The following NRIP1 variants were observed in gnomAD, a reference collection of about 807,000 sequenced individuals.
The protein encoded by NRIP1 is nuclear receptor interacting protein 1, also known as nuclear receptor-interacting protein 1.
Under a neutral mutation model 75.0 loss-of-function variants are expected in NRIP1, and 28 were observed. The ratio of observed to expected loss-of-function variants is 0.37; its 90% CI spans 0.28 to 0.51. The LOEUF is 0.51. NRIP1 is among the 20% of genes least tolerant of loss of function. The pLI is 0.92. For missense variants in NRIP1, 1,435 were observed against 1,343.7 expected (o/e 1.07, Z -1.06); for synonymous variants, 526 against 487.6 (o/e 1.08, Z -1.04).
intron 3 of NRIP1, among the ~76,000 whole-genome samples, chr21:14,995,247 G>A (rs957436254): frequency 6.6e-6 from 1 of 152,144 alleles, no homozygotes; most frequent in African/African-American, 2.4e-5. Context: ...TTGCTTACCA[G>A]TATTAACCTT....
intron 2 of NRIP1, among the ~76,000 whole-genome samples, chr21:15,026,831 C>A (rs1356710339): frequency 2.6e-5 from 4 of 151,856 alleles, no homozygotes; most frequent in South Asian, 2.1e-4. Context: ...TTTCAAAAAA[C>A]CAATATAAGT....
intron 1 of NRIP1, among the ~76,000 whole-genome samples, chr21:15,052,658 T>C (rs1033860476): frequency 6.6e-6 from 1 of 152,202 alleles, no homozygotes; most frequent in African/African-American, 2.4e-5. Context: ...GCAGCATATC[T>C]TTTCAAATAC....
chr21:15,048,412 G>A (rs1298742115), intron 1 of NRIP1, among the ~76,000 whole-genome samples: 2 of 152,174 alleles, frequency 1.3e-5, no homozygotes, highest in Admixed American at 1.3e-4. Context: ...AACAGGGTAT[G>A]TCACCTAAGT....
At chr21:15,024,495 A>T (rs761700541) in intron 2 of NRIP1, among the ~76,000 whole-genome samples, 4 of 151,688 alleles carry the variant, frequency 2.6e-5, no homozygotes, top group Non-Finnish European at 5.9e-5. Context: ...TGAGCTGAGA[A>T]CGCATCACTG....
chr21:15,025,327 T>C (rs112842908), intron 2 of NRIP1, among the ~76,000 whole-genome samples: 133 of 152,084 alleles, frequency 8.7e-4, no homozygotes, highest in African/African-American at 3.2e-3. Context: ...TTGAAGCCTA[T>C]AGGATTGGAA....
At position 14,990,686 on chromosome 21, in the gene NRIP1, C is replaced by T. The variant is rs570697409; in HGVS notation, c.-334-22160G>A. On this transcript the variant is annotated intron_variant, in intron 3 of 3. Coordinates refer to ENST00000318948, the MANE Select transcript of NRIP1 (RefSeq NM_003489.4). ...TGGAAAATGAATTCCTAAAGTGAAA[C>T]TCTAATGCAAAGACTGGGTGGATGG... Among the ~76,000 whole-genome samples, 4 of 152,282 alleles carry T rather than the reference C, an allele frequency of 2.6e-5. No homozygotes were observed. The South Asian group carries it at 8.3e-4, about 32-fold the overall frequency.
intron 3 of NRIP1, among the ~76,000 whole-genome samples, chr21:14,991,523 A>G (rs2087571888): frequency 6.6e-6 from 1 of 151,726 alleles, no homozygotes; most frequent in Non-Finnish European, 1.5e-5. Flanking sequence ...CCTCTGCTCT[A>G]TCTTGTAGGA....
chr21:15,012,965 G>A lies in NRIP1; in HGVS notation c.-335+1379C>T, dbSNP rs573654929. 5.3e-5 allele frequency among the ~76,000 whole-genome samples: 8 copies of A among 151,982 alleles called. No individual in the cohort carries two copies. In the South Asian group the frequency reaches 1.0e-3, roughly 20 times the overall value. On this transcript the variant is annotated intron_variant, in intron 3 of 3. Transcript: ENST00000318948. ...AACCAATTATATCTTGTGGCGGGGC[G>A]GTCACAGGAATATGCATGATTATAA...
chr21:15,011,504 A>T (rs562272367), intron 3 of NRIP1, among the ~76,000 whole-genome samples: 18 of 151,844 alleles, frequency 1.2e-4, no homozygotes, highest in South Asian at 4.2e-4. Flanking sequence ...GCCCTTTTTT[A>T]AAAAAAAATT....
At chr21:15,030,730 T>C (rs1421675235) in intron 2 of NRIP1, among the ~76,000 whole-genome samples, 1 of 152,080 alleles carries the variant, frequency 6.6e-6, no homozygotes, top group Non-Finnish European at 1.5e-5. Flanking sequence ...GGAGGATAGG[T>C]GGTAAGGAGG....
chr21:15,048,190 A>C (rs1386589958), intron 1 of NRIP1, among the ~76,000 whole-genome samples: 1 of 152,240 alleles, frequency 6.6e-6, no homozygotes, highest in Admixed American at 6.5e-5. Context: ...ATAATATGAA[A>C]AAGTTTTATA....
At chr21:15,031,906 A>G (rs1160049688) in intron 2 of NRIP1, among the ~76,000 whole-genome samples, 2 of 149,564 alleles carry the variant, frequency 1.3e-5, no homozygotes, top group Non-Finnish European at 3.0e-5. Flanking sequence ...GGTTCACCAC[A>G]TTCCCTTTCT....
In NRIP1 at chr21:14,967,869, T is replaced by G. The variant is rs913712783; in HGVS notation, c.324A>C (p.Leu108Phe). The G allele has an allele frequency of 6.2e-7, 1 of 1,613,988 alleles. No individual in the cohort carries two copies. Among genetic ancestry groups the G allele is most frequent in the African/African-American group, 1.3e-5 (1 of 74,938 alleles). ...CTAGCAAAGCTTCCTTCTTTACGTT[T>G]AAATTCATGATAGAATCAGACAGCC... is the stretch of plus-strand genomic sequence containing the variant. ...RKRLSDSIMN[L>F]NVKKEALLAG... is the part of the protein sequence containing the mutation. Residue 108 changes from leucine to phenylalanine, a missense_variant, in exon 4 of 4, where the codon TTA becomes TTC. Leu to Phe is a conservative substitution (Grantham distance 22, BLOSUM62 0). Transcript: ENST00000318948.
intron 2 of NRIP1, among the ~76,000 whole-genome samples, chr21:15,020,904 C>CA (rs960489111): frequency 6.6e-6 from 1 of 151,180 alleles, no homozygotes. Context: ...TGAAAAAACT[C>CA]AAAGGTTGGG....
chr21:15,020,216 A>G (rs2088339952), intron 2 of NRIP1, among the ~76,000 whole-genome samples: 1 of 152,188 alleles, frequency 6.6e-6, no homozygotes, highest in Admixed American at 6.5e-5. Flanking sequence ...CTATAAATCT[A>G]TATGGTAACC....
intron 3 of NRIP1, among the ~76,000 whole-genome samples, chr21:14,996,457 C>T: frequency 6.6e-6 from 1 of 152,142 alleles, no homozygotes; most frequent in East Asian, 1.9e-4. Flanking sequence ...TGCCTCCTTC[C>T]CCAAACTCAG....
intron 3 of NRIP1, among the ~76,000 whole-genome samples, chr21:14,997,155 A>T (rs1204060129): frequency 6.6e-6 from 1 of 152,140 alleles, no homozygotes; most frequent in Non-Finnish European, 1.5e-5. Context: ...ATGCCAATAA[A>T]TTTTTACAAT....
At chr21:14,975,907 C>A (rs1249481591) in intron 3 of NRIP1, among the ~76,000 whole-genome samples, 1 of 151,914 alleles carries the variant, frequency 6.6e-6, no homozygotes, top group Non-Finnish European at 1.5e-5. Flanking sequence ...CTTTTGACTT[C>A]TAAAAGGTTC....
intron 3 of NRIP1, among the ~76,000 whole-genome samples, chr21:14,984,553 A>C (rs575169202): frequency 6.6e-6 from 1 of 152,288 alleles, no homozygotes; most frequent in African/African-American, 2.4e-5. Flanking sequence ...TGTTGAAAAA[A>C]CAACAAAGGA....
Sources: allele counts gnomAD v4.1 joint callset (sites outside exome capture counted in the v4.1 genomes callset), GRCh38; gene constraint gnomAD v4.1.1; transcripts MANE v1.5; gene names NCBI Gene and HGNC (gene_info 2026-07-23, HGNC 2026-07-21).